Variants in SNX29 observed in about 807,000 individuals in gnomAD.
SNX29 encodes sorting nexin 29.
Under a neutral mutation model 102.1 loss-of-function variants are expected in SNX29, and 78 were observed. That is an observed-to-expected ratio of 0.76 (90% CI 0.64 to 0.92). The LOEUF is 0.92. Ranked by LOEUF, SNX29 falls within the 40% of genes least tolerant of loss-of-function variation. SNX29 has a pLI of 0.00. For missense variants in SNX29, 1,280 were observed against 1,061.7 expected (o/e 1.21, Z -2.86); for synonymous variants, 580 against 414.5 (o/e 1.40, Z -4.85).
intron 20 of SNX29, among the ~76,000 whole-genome samples, chr16:12,558,772 A>T (rs1170099825): frequency 6.6e-6 from 1 of 152,176 alleles, no homozygotes; most frequent in Admixed American, 6.5e-5. Flanking sequence ...ATCATCCCGC[A>T]TTGTACAACC....
chr16:12,510,143 C>G (rs976606862), intron 19 of SNX29, among the ~76,000 whole-genome samples: 3 of 152,182 alleles, frequency 2.0e-5, no homozygotes, highest in Non-Finnish European at 2.9e-5. Flanking sequence ...TTTGATGTAG[C>G]CCATACCGCC....
intron 20 of SNX29, among the ~76,000 whole-genome samples, chr16:12,538,148 C>A (rs916303618): frequency 1.3e-5 from 2 of 151,974 alleles, no homozygotes; most frequent in Non-Finnish European, 2.9e-5. Flanking sequence ...CGGAGTCTCA[C>A]TCTGTCACCC....
intron 13 of SNX29, among the ~76,000 whole-genome samples, chr16:12,196,626 T>TC (rs1567300759): frequency 2.0e-5 from 3 of 147,350 alleles, no homozygotes; most frequent in Admixed American, 6.7e-5. Flanking sequence ...TTTTTTCTTT[T>TC]TTTTTTTTTT....
At chr16:11,986,067 C>T (rs1567494562) in intron 1 of SNX29, among the ~76,000 whole-genome samples, 1 of 151,972 alleles carries the variant, frequency 6.6e-6, no homozygotes, top group African/African-American at 2.4e-5. Context: ...GGGCTCCCAG[C>T]GTGCTGGGAT....
intron 20 of SNX29, among the ~76,000 whole-genome samples, chr16:12,565,618 G>T (rs2078968873): frequency 6.6e-6 from 1 of 152,172 alleles, no homozygotes; most frequent in Non-Finnish European, 1.5e-5. Context: ...CTTCCCAGGT[G>T]CCAGGCACAG....
intron 13 of SNX29, among the ~76,000 whole-genome samples, chr16:12,130,160 C>T (rs1443883037): frequency 6.7e-6 from 1 of 148,266 alleles, no homozygotes; most frequent in African/African-American, 2.5e-5. Context: ...CCTGAGCACA[C>T]GTTCACCTGG....
chr16:12,538,842 C>G (rs971766742), intron 20 of SNX29, among the ~76,000 whole-genome samples: 1 of 152,122 alleles, frequency 6.6e-6, no homozygotes, highest in Non-Finnish European at 1.5e-5. Flanking sequence ...AGTCACGTGG[C>G]AAAGAGGGGC....
At chr16:12,516,612 C>T (rs2089877920) in intron 19 of SNX29, among the ~76,000 whole-genome samples, 1 of 152,082 alleles carries the variant, frequency 6.6e-6, no homozygotes, top group South Asian at 2.1e-4. Flanking sequence ...CAGCTGACTC[C>T]AAAGCAGATA....
intron 19 of SNX29, among the ~76,000 whole-genome samples, chr16:12,504,599 T>G (rs1187116162): frequency 6.6e-6 from 1 of 152,232 alleles, no homozygotes; most frequent in Non-Finnish European, 1.5e-5. Flanking sequence ...GGTTTTACTT[T>G]CTGCAGTTTC....
At chr16:12,564,450 T>A (rs2078904699) in intron 20 of SNX29, among the ~76,000 whole-genome samples, 1 of 151,896 alleles carries the variant, frequency 6.6e-6, no homozygotes, top group Non-Finnish European at 1.5e-5. Context: ...ATCAGAAAGC[T>A]GTGTTTTGGG....
At chr16:12,538,577 C>T (rs896533807) in intron 20 of SNX29, among the ~76,000 whole-genome samples, 3 of 152,138 alleles carry the variant, frequency 2.0e-5, no homozygotes, top group Non-Finnish European at 2.9e-5. Flanking sequence ...GCTGAGCTGG[C>T]TTCTGTGTCT....
At chr16:12,266,093 T>A (rs1013049748) in intron 14 of SNX29, among the ~76,000 whole-genome samples, 2 of 152,172 alleles carry the variant, frequency 1.3e-5, no homozygotes, top group Non-Finnish European at 2.9e-5. Context: ...TTTTTCTTTT[T>A]TCTTTTTTTA....
intron 11 of SNX29, among the ~76,000 whole-genome samples, chr16:12,119,549 C>G (rs1038986579): frequency 6.6e-6 from 1 of 152,318 alleles, no homozygotes; most frequent in African/African-American, 2.4e-5. Flanking sequence ...ATGTAGAAAC[C>G]ATAGTTCTAA....
chr16:11,987,258 C>T (rs1357466502), intron 1 of SNX29, among the ~76,000 whole-genome samples: 14 of 151,156 alleles, frequency 9.3e-5, no homozygotes, highest in South Asian at 4.2e-4. Context: ...TTCATAGAGA[C>T]GAGGCCTTAC....
chr16:12,080,213 C>T (rs529471716), intron 11 of SNX29, among the ~76,000 whole-genome samples: 1 of 152,054 alleles, frequency 6.6e-6, no homozygotes, highest in Non-Finnish European at 1.5e-5. Flanking sequence ...GGCAATTGTT[C>T]TTGATAAAAA....
intron 16 of SNX29, among the ~76,000 whole-genome samples, chr16:12,395,928 G>A (rs2083704496): frequency 1.3e-5 from 2 of 152,334 alleles, no homozygotes; most frequent in African/African-American, 4.8e-5. Flanking sequence ...TTATCATCAT[G>A]CATTTGCTAC....
intron 20 of SNX29, among the ~76,000 whole-genome samples, chr16:12,562,812 T>TC (rs1194804447): frequency 3.3e-5 from 5 of 152,138 alleles, no homozygotes; most frequent in Admixed American, 6.5e-5. Context: ...ACAACTCCTT[T>TC]CCCCCCAAAT....
At chr16:12,235,042 GTC>G (rs2077884054) in intron 14 of SNX29, among the ~76,000 whole-genome samples, 1 of 151,628 alleles carries the variant, frequency 6.6e-6, no homozygotes, top group Non-Finnish European at 1.5e-5. Flanking sequence ...CTTTGGCTTT[GTC>G]TCTTTCTCTT....
chr16:11,993,948 C>A (rs940425053), intron 1 of SNX29, among the ~76,000 whole-genome samples: 1 of 152,158 alleles, frequency 6.6e-6, no homozygotes, highest in Non-Finnish European at 1.5e-5. Context: ...TGGTGAAATC[C>A]CGTCTCTACT....
Sources: gnomAD v4.1 joint callset for allele counts (sites outside exome capture counted in the v4.1 genomes callset) on GRCh38, gnomAD v4.1.1 for gene constraint, MANE v1.5 for transcripts, NCBI Gene and HGNC (gene_info 2026-07-23, HGNC 2026-07-21) for gene names.